Variants in DNAJC14 observed in about 807,000 individuals in gnomAD.
The protein encoded by DNAJC14 is dnaJ homolog subfamily C member 14.
Under a neutral mutation model 68.8 loss-of-function variants are expected in DNAJC14, and 12 were observed. That is an observed-to-expected ratio of 0.17 (90% confidence interval 0.11 to 0.28). The LOEUF (loss-of-function observed/expected upper bound fraction) is 0.28, where lower values mean the gene tolerates loss of function less well. Ranked by LOEUF, DNAJC14 falls within the 10% of genes least tolerant of loss-of-function variation. DNAJC14 has a pLI of 1.00. For synonymous variants in DNAJC14, 350 were observed against 321.5 expected (o/e 1.09, Z -0.95); for missense variants, 764 against 875.6 (o/e 0.87, Z 1.61).
chr12:55,830,677 T>C (rs879845955), upstream of DNAJC14: 10 of 152,528 alleles, frequency 6.6e-5, no homozygotes, highest in Non-Finnish European at 1.5e-4. Context: ...ACTCTTGGGG[T>C]GACCCTCAAG....
chr12:55,829,416 G>C, intron 1 of DNAJC14, 73 bp downstream of exon 1: 5 of 983,910 alleles, frequency 5.1e-6, no homozygotes, highest in Non-Finnish European at 6.0e-6. Context: ...CTGTACTCCA[G>C]TCTGGGTGAC....
chr12:55,829,735 G>A (rs1248195569), upstream of DNAJC14: 5 of 448,994 alleles, frequency 1.1e-5, no homozygotes, highest in East Asian at 1.6e-4. Flanking sequence ...CCAAGGAGGC[G>A]GTCCTAAGGA....
At position 55,823,479 on chromosome 12, in the gene DNAJC14, C is replaced by T. The variant is rs1880722555; in HGVS notation, c.1437G>A (p.Arg479=). The part of the protein sequence containing the change: ...MVHPDKNHHP[R]AEEAFKVLRA... ...GCAAAACCTTGAAGGCCTCCTCAGC[C>T]CGGGGATGATGATTTTTGTCAGGAT... is the stretch of plus-strand genomic sequence containing the variant. Residue 479 remains arginine (R), a synonymous_variant, in exon 3 of 7, where the codon CGG becomes CGA. Coordinates refer to ENST00000678005, the MANE Select transcript of DNAJC14 (RefSeq NM_032364.6). 3.1e-6 allele frequency: 5 copies of T among 1,614,022 alleles called. No individual in the cohort carries two copies. Among genetic ancestry groups the T allele is most frequent in the African/African-American group, 1.3e-5 (1 of 74,908 alleles).
rs1880674977 is a variant in DNAJC14, at chr12:55,821,868, G to T, written c.*109C>A. On this transcript the variant is annotated 3_prime_UTR_variant, in exon 7 of 7. Transcript: ENST00000678005. ...AAGACTCCATCTCAAAAAATAAAAAGAAAAAGATTCAGTTCCTAGGTGTTG... is the reference window on the plus strand; with the variant it reads ...AAGACTCCATCTCAAAAAATAAAAATAAAAAGATTCAGTTCCTAGGTGTTG... 2.4e-6 allele frequency: 3 copies of T among 1,240,968 alleles called. No homozygotes were observed. The highest frequency in any genetic ancestry group is 2.5e-5 in the East Asian group (1 of 40,402). 76.9% of individuals were successfully genotyped at this position (1,240,968 alleles called of 1,614,324 possible). A position where few individuals can be genotyped will look rare whatever the true frequency, so the allele number is the denominator to read the frequency against.
At chr12:55,825,130 C>CAAAAAAA (rs71074860) in intron 2 of DNAJC14, among the ~76,000 whole-genome samples, 3 of 65,494 alleles carry the variant, frequency 4.6e-5, no homozygotes, top group African/African-American at 6.1e-5. Context: ...GACCCTGTCT[C>CAAAAAAA]AAAAAAAAAA....
upstream of DNAJC14, chr12:55,830,680 C>T (rs1000584101): frequency 1.3e-5 from 2 of 152,566 alleles, no homozygotes. Flanking sequence ...CTTGGGGTGA[C>T]CCTCAAGACT....
chr12:55,823,567 T>G, intron 2 of DNAJC14, 59 bp from the exon 3 acceptor site: 2 of 1,449,890 alleles, frequency 1.4e-6, no homozygotes, highest in Admixed American at 3.4e-5. Flanking sequence ...CACCTTGAAT[T>G]TATTCTCATA....
rs1174852483 is a variant in DNAJC14 at position 55,829,548 on chromosome 12, C to G, written c.-116G>C. The G allele has an allele frequency of 2.6e-5, 26 of 985,332 alleles. No individual in the cohort carries two copies. The highest frequency in any genetic ancestry group is 2.7e-5 in the Non-Finnish European group (22 of 829,948). The allele number at this position is 985,332 out of a possible 1,614,324, so 61.0% of individuals were successfully genotyped here. A position where few individuals can be genotyped will look rare whatever the true frequency, so the allele number is the denominator to read the frequency against. On this transcript the variant is annotated 5_prime_UTR_variant, in exon 1 of 7. Coordinates refer to ENST00000678005, the MANE Select transcript of DNAJC14 (RefSeq NM_032364.6). ...CCCGGCCTGGGGCCAGGGTGAGCTA[C>G]GAGAGCCGCTCTCCCGGCTCCGCCT...
At chr12:55,824,613 C>T (rs191556396) in intron 2 of DNAJC14, among the ~76,000 whole-genome samples, 15 of 152,328 alleles carry the variant, frequency 9.8e-5, no homozygotes, top group African/African-American at 3.6e-4. Context: ...AGCCCAGAGA[C>T]ACTCTGGTCC....
At chr12:55,823,224 T>C in intron 3 of DNAJC14, 35 bp from the exon 4 acceptor site, 1 of 1,613,816 alleles carries the variant, frequency 6.2e-7, no homozygotes, top group Non-Finnish European at 8.5e-7. Context: ...TCAGAAGGTA[T>C]TGAGGGAGGG....
Position 55,827,551 on chromosome 12 carries a change from C to A in DNAJC14, c.1108G>T (p.Asp370Tyr). 6.2e-7 allele frequency: 1 copy of A among 1,606,402 alleles called. No individual in the cohort carries two copies. Among genetic ancestry groups the A allele is most frequent in the South Asian group, 1.1e-5 (1 of 90,976 alleles). Residue 370 changes from aspartate to tyrosine, a missense_variant, in exon 2 of 7, where the codon GAT becomes TAT. Physicochemically the swap from Asp to Tyr is radical, Grantham distance 160. Around this residue, in one of 4 missense-constraint regions of DNAJC14, gnomAD observed 514 missense variants for 521.7 expected, o/e 0.99. Coordinates refer to ENST00000678005, the MANE Select transcript of DNAJC14 (RefSeq NM_032364.6). ...DKATWLFSWL[D>Y]SPALQRCLTL... ...AAGCAACGCTGCAAGGCTGGAGAAT[C>A]CAGCCAAGAGAAGAGCCAGGTAGCC... is the stretch of plus-strand genomic sequence containing the variant.
chr12:55,826,021 T>C (rs1222978664), intron 2 of DNAJC14, among the ~76,000 whole-genome samples: 3 of 152,098 alleles, frequency 2.0e-5, no homozygotes, highest in Non-Finnish European at 4.4e-5. Context: ...ACTAGGTCCA[T>C]ATTTGCTTCT....
rs747797891 is a variant in DNAJC14, at chr12:55,821,946, C to G, written c.*31G>C. ...CCTGTGCTACAGCCCTTTTGACTCC[C>G]TGACATTGATTTGAGGAAAGAGAAG... On this transcript the variant is annotated 3_prime_UTR_variant, in exon 7 of 7. Transcript: ENST00000678005. 2 of 1,588,088 alleles carry G rather than the reference C, an allele frequency of 1.3e-6. No homozygotes were observed. Among genetic ancestry groups the G allele is most frequent in the East Asian group, 4.5e-5 (2 of 44,562 alleles).
In DNAJC14 at chr12:55,827,969, T is replaced by G. The variant is rs749168474; in HGVS notation, c.690A>C (p.Ala230=). The G allele has an allele frequency of 1.2e-6, 2 of 1,612,882 alleles. No individual in the cohort carries two copies. Among genetic ancestry groups the G allele is most frequent in the African/African-American group, 2.7e-5 (2 of 74,930 alleles). Residue 230 remains alanine (A), a synonymous_variant, in exon 2 of 7, where the codon GCA becomes GCC. Transcript: ENST00000678005. ...RHRLGRKRSQ[A]DKRKGLGLWG... ...ACAATCCCAGGCCTTTGCGCTTATC[T>G]GCCTGACTTCGTTTCCGACCCAGCC... is the stretch of plus-strand genomic sequence containing the variant.
chr12:55,827,879 T>C lies in DNAJC14; in HGVS notation c.780A>G (p.Val260=), dbSNP rs1284630238. The C allele has an allele frequency of 6.2e-7, 1 of 1,611,490 alleles. No individual in the cohort carries two copies. ...AAGTTTCTACGTACTCTCCCACCAATACCAGCAGTTCAATCAGCCACCAAA... is the reference window on the plus strand; with the variant it reads ...AAGTTTCTACGTACTCTCCCACCAACACCAGCAGTTCAATCAGCCACCAAA... ...AGFWWLIELL[V]LVGEYVETCG... is the part of the protein sequence containing the mutation. Residue 260 remains valine, a synonymous_variant, in exon 2 of 7, where the codon GTA becomes GTG. Transcript: ENST00000678005.
intron 2 of DNAJC14, among the ~76,000 whole-genome samples, chr12:55,824,760 T>C (rs1880750132): frequency 6.6e-6 from 1 of 152,106 alleles, no homozygotes; most frequent in South Asian, 2.1e-4. Flanking sequence ...GGATGTCTAC[T>C]AAAAGAAAGT....
At chr12:55,825,005 G>A (rs780093540) in intron 2 of DNAJC14, among the ~76,000 whole-genome samples, 2 of 151,772 alleles carry the variant, frequency 1.3e-5, no homozygotes, top group African/African-American at 2.4e-5. Context: ...GGTGATGCAC[G>A]CCTGTAGTTC....
rs1880698525 is a variant in DNAJC14 at position 55,822,606 on chromosome 12, A to G, written c.1761T>C (p.Phe587=). The part of the protein sequence containing the change: ...SSMLGLKITY[F]ALMDGKVYDI... ...CATACACCTTTCCATCCATCAGTGC[A>G]AAGTAGGTGATCTTGAGGCCCAACA... Residue 587 remains phenylalanine (F), a synonymous_variant, in exon 5 of 7, where the codon TTT becomes TTC. Coordinates refer to ENST00000678005, the MANE Select transcript of DNAJC14 (RefSeq NM_032364.6). 2.5e-6 allele frequency: 4 copies of G among 1,614,104 alleles called. No homozygotes were observed. In the African/African-American group the frequency reaches 5.3e-5, roughly 22 times the overall value.
In DNAJC14 at chr12:55,823,500, A is replaced by G; in HGVS notation, c.1416T>C (p.Pro472=). 1 of 1,614,040 alleles carries G rather than the reference A, an allele frequency of 6.2e-7. No homozygotes were observed. The highest frequency in any genetic ancestry group is 8.5e-7 in the Non-Finnish European group (1 of 1,179,942). The change falls in exon 3 of 7, where the codon CCT becomes CCC. Residue 472 remains proline (P), a synonymous_variant. Transcript: ENST00000678005. ...CAGCCCGGGGATGATGATTTTTGTC[A>G]GGATGAACCTACCAAGACAGAGAGA... ...AYRQLAVMVH[P]DKNHHPRAEE... is the part of the protein sequence containing the mutation.
Sources: allele counts gnomAD v4.1 joint callset (sites outside exome capture counted in the v4.1 genomes callset), GRCh38; gene constraint gnomAD v4.1.1; regional missense constraint gnomAD v4.1.1; transcripts MANE v1.5; gene names NCBI Gene and HGNC (gene_info 2026-07-23, HGNC 2026-07-21).